CPAMD8: variants seen among roughly 807,000 people sequenced by gnomAD.
CPAMD8 encodes the protein C3 and PZP-like alpha-2-macroglobulin domain-containing protein 8.
CPAMD8 carries 146 observed loss-of-function variants against 224.7 expected under a neutral mutation model. The observed-to-expected ratio is 0.65, with a 90% CI of 0.57 to 0.75. CPAMD8 has a LOEUF of 0.75. Among genes scored for constraint, CPAMD8 ranks in the 30% least tolerant of loss-of-function variants. CPAMD8 has a pLI of 0.00. For synonymous variants in CPAMD8, 966 were observed against 1,044.6 expected (o/e 0.92, Z 1.45); for missense variants, 2,301 against 2,537.5 (o/e 0.91, Z 2.00).
At chr19:16,909,405 G>A (rs1437363427) in intron 29 of CPAMD8, among the ~76,000 whole-genome samples, 1 of 152,080 alleles carries the variant, frequency 6.6e-6, no homozygotes, top group Non-Finnish European at 1.5e-5. Flanking sequence ...TTAGCTGGGC[G>A]TGGTGGCGAG....
At chr19:16,930,989 A>G (rs2053528577) in intron 23 of CPAMD8, among the ~76,000 whole-genome samples, 1 of 152,136 alleles carries the variant, frequency 6.6e-6, no homozygotes, top group African/African-American at 2.4e-5. Context: ...AAGCTGCTGC[A>G]CACTTTCACG....
intron 18 of CPAMD8, among the ~76,000 whole-genome samples, chr19:16,966,771 A>T (rs1000137211): frequency 6.6e-5 from 10 of 152,236 alleles, no homozygotes; most frequent in African/African-American, 2.4e-4. Context: ...GAGAAATGCA[A>T]ATCAAAACCA....
chr19:16,907,794 A>G (rs116034876), intron 29 of CPAMD8: 5,765 of 152,262 alleles, frequency 0.038, 156 homozygotes, highest in African/African-American at 0.071. Context: ...TTTTGTAGAG[A>G]TGGAGTCTCA....
chr19:16,903,697 C>A lies in CPAMD8; in HGVS notation c.4407+5G>T. On this transcript the variant is annotated splice_donor_5th_base_variant and intron_variant, in intron 33 of 41. Coordinates refer to ENST00000443236, the MANE Select transcript of CPAMD8 (RefSeq NM_015692.5). ...CCCCCAAACCCTCATCCCAGGAACACGCACCGCTGCTGTCTGCAGAACCTT... is the reference window on the plus strand; with the variant it reads ...CCCCCAAACCCTCATCCCAGGAACAAGCACCGCTGCTGTCTGCAGAACCTT... 2 of 1,614,078 alleles carry A rather than the reference C, an allele frequency of 1.2e-6. No individual in the cohort carries two copies. The highest frequency in any genetic ancestry group is 1.7e-6 in the Non-Finnish European group (2 of 1,179,968).
intron 32 of CPAMD8, 30 bp downstream of exon 32, chr19:16,904,195 GA>G: frequency 4.2e-6 from 2 of 474,532 alleles, no homozygotes; most frequent in South Asian, 2.1e-5. Flanking sequence ...ACCCAGCCCT[GA>G]GCCCCTCCCT....
chr19:16,946,888 T>C (rs2054119891), intron 21 of CPAMD8, among the ~76,000 whole-genome samples, 186 bp downstream of exon 21: 1 of 152,128 alleles, frequency 6.6e-6, no homozygotes, highest in South Asian at 2.1e-4. Context: ...CCCCAGGGCT[T>C]GCCTCCCCAC....
intron 17 of CPAMD8, 95 bp downstream of exon 17, chr19:16,975,002 C>A (rs1032030004): frequency 4.8e-6 from 7 of 1,455,732 alleles, no homozygotes; most frequent in Non-Finnish European, 6.4e-6. Flanking sequence ...GCTTCCAATT[C>A]TGTTTCCAAC....
At chr19:16,937,634 C>T (rs1413196815) in intron 23 of CPAMD8, among the ~76,000 whole-genome samples, 3 of 150,690 alleles carry the variant, frequency 2.0e-5, no homozygotes, top group Non-Finnish European at 2.9e-5. Context: ...CACAACCACA[C>T]CTGGCTAACT....
chr19:16,952,924 C>T (rs990906860), intron 19 of CPAMD8, among the ~76,000 whole-genome samples: 3 of 151,994 alleles, frequency 2.0e-5, no homozygotes, highest in African/African-American at 4.8e-5. Flanking sequence ...GGTGGCCAAA[C>T]AAAGAAACCA....
chr19:16,904,177 C>CGCG, intron 32 of CPAMD8, 49 bp downstream of exon 32: 4 of 479,116 alleles, frequency 8.3e-6, no homozygotes, highest in East Asian at 6.2e-5. Context: ...ACTGCAGGGA[C>CGCG]CCCACCCACC....
chr19:16,906,383 T>TTCCTTCC (rs1568459516), intron 30 of CPAMD8, among the ~76,000 whole-genome samples: 1 of 76,694 alleles, frequency 1.3e-5, no homozygotes, highest in Non-Finnish European at 3.2e-5. Flanking sequence ...TCTTTCTTTC[T>TTCCTTCC]TTCTTTCTTT....
chr19:17,016,093 G>A (rs899691721), intron 3 of CPAMD8, among the ~76,000 whole-genome samples: 1 of 152,128 alleles, frequency 6.6e-6, no homozygotes, highest in Non-Finnish European at 1.5e-5. Flanking sequence ...ACAGGTGCAG[G>A]CCACCATGCC....
intron 3 of CPAMD8, among the ~76,000 whole-genome samples, chr19:17,013,127 G>T (rs574801049): frequency 6.6e-6 from 1 of 152,084 alleles, no homozygotes; most frequent in East Asian, 1.9e-4. Context: ...GTTGCATTGA[G>T]CCCAGATCGC....
intron 12 of CPAMD8, among the ~76,000 whole-genome samples, chr19:16,991,099 G>A (rs946366633): frequency 7.9e-5 from 10 of 126,808 alleles, no homozygotes; most frequent in Admixed American, 3.3e-4. Context: ...ACGAAATGAG[G>A]CCCCCACAAA....
intron 23 of CPAMD8, among the ~76,000 whole-genome samples, chr19:16,937,113 CTCCCTCCA>C (rs2053719024): frequency 6.9e-6 from 1 of 144,592 alleles, no homozygotes; most frequent in Non-Finnish European, 1.5e-5. Flanking sequence ...TCTTCCTTCC[CTCCCTCCA>C]TCCCTCCCTC....
chr19:16,913,892 G>A (rs576450611), intron 29 of CPAMD8, among the ~76,000 whole-genome samples: 29 of 152,232 alleles, frequency 1.9e-4, no homozygotes, highest in African/African-American at 6.0e-4. Context: ...GAGATCCATC[G>A]TGGAAGCCTT....
intron 3 of CPAMD8, among the ~76,000 whole-genome samples, chr19:17,013,731 T>TTGCA (rs2056728964): frequency 6.6e-6 from 1 of 151,840 alleles, no homozygotes; most frequent in African/African-American, 2.4e-5. Flanking sequence ...TGGGGGGGCA[T>TTGCA]TGCACAACCC....
At position 16,976,510 on chromosome 19, in the gene CPAMD8, G is replaced by C. The variant is rs146598998; in HGVS notation, c.1759-359C>G. Among the ~76,000 whole-genome samples, 43 of 152,144 alleles carry C rather than the reference G, an allele frequency of 2.8e-4. 1 individual carries two copies. In the East Asian group the frequency reaches 8.1e-3, roughly 29 times the overall value. On this transcript the variant is annotated intron_variant, in intron 15 of 41. Coordinates refer to ENST00000443236, the MANE Select transcript of CPAMD8 (RefSeq NM_015692.5). ...AAAAAAAGAAACTTGGTTCAATCCA[G>C]GTTTGGTCTAGTCCAGAGGCATCTC...
At chr19:16,961,646 G>A (rs1401189928) in intron 18 of CPAMD8, among the ~76,000 whole-genome samples, 1 of 152,240 alleles carries the variant, frequency 6.6e-6, no homozygotes, top group Non-Finnish European at 1.5e-5. Context: ...CTGTCTGACA[G>A]CTCTGAAGAC....
Sources: allele counts gnomAD v4.1 joint callset (sites outside exome capture counted in the v4.1 genomes callset), GRCh38; gene constraint gnomAD v4.1.1; transcripts MANE v1.5; gene names NCBI Gene and HGNC (gene_info 2026-07-23, HGNC 2026-07-21).